CSMD1: variants seen among roughly 807,000 people sequenced by gnomAD.
CSMD1 encodes the protein CUB and sushi domain-containing protein 1.
CSMD1 carries 213 observed loss-of-function variants against 417.5 expected under a neutral mutation model. The observed-to-expected ratio is 0.51, with a 90% confidence interval of 0.46 to 0.57. The LOEUF is 0.57. Among genes scored for constraint, CSMD1 ranks in the 20% least tolerant of loss-of-function variants. The pLI, the probability that CSMD1 is intolerant of heterozygous loss-of-function variation, is 0.00. For synonymous variants in CSMD1, 2,862 were observed against 1,736.8 expected (o/e 1.65, Z -16.11); for missense variants, 6,923 against 4,529.7 (o/e 1.53, Z -15.17).
chr8:4,203,992 T>TCGGAAGA (rs1799824648), intron 3 of CSMD1, among the ~76,000 whole-genome samples: 1 of 152,054 alleles, frequency 6.6e-6, no homozygotes, highest in African/African-American at 2.4e-5. Flanking sequence ...TCCCAGCTAC[T>TCGGAAGA]CGGAAGACTG....
At chr8:4,830,144 T>A (rs1039104162) in intron 1 of CSMD1, among the ~76,000 whole-genome samples, 22 of 152,160 alleles carry the variant, frequency 1.4e-4, no homozygotes, top group Admixed American at 1.4e-3. Flanking sequence ...GAATCACTCC[T>A]GAGAAATCTG....
chr8:4,297,925 T>A (rs1797773403), intron 3 of CSMD1, among the ~76,000 whole-genome samples: 1 of 152,190 alleles, frequency 6.6e-6, no homozygotes, highest in Admixed American at 6.5e-5. Flanking sequence ...AGGTTTTTAT[T>A]AGCAAAGGAA....
In CSMD1 at chr8:3,214,610, G is replaced by T. The variant is rs745335742; in HGVS notation, c.4754C>A (p.Thr1585Asn). 2.2e-5 allele frequency: 34 copies of T among 1,561,682 alleles called. No individual in the cohort carries two copies. Among genetic ancestry groups the T allele is most frequent in the Non-Finnish European group, 1.4e-5 (16 of 1,152,430 alleles). Residue 1585 changes from threonine (T) to asparagine (N), a missense_variant, in exon 30 of 70, where the codon ACC (threonine) becomes AAC (asparagine). By Grantham distance (65) the Thr-to-Asn change is moderately conservative (BLOSUM62 0). Coordinates refer to ENST00000635120, the MANE Select transcript of CSMD1 (RefSeq NM_033225.6). ...RVGTDFKLGSTITYQCDSGYK... is the reference protein window; with the variant it reads ...RVGTDFKLGSNITYQCDSGYK... ...GCCAGAGTCACACTGGTAGGTGATG[G>T]TGGAGCCAAGCTTGAAGTCTGTTCC...
chr8:3,500,215 C>G lies in CSMD1; in HGVS notation c.1345-6489G>C, dbSNP rs543132331. Reference sequence around the variant, plus strand: ...TGTTGCTTCAGTACAGTGTTCTCCCCTAGACACTGCACTTGACATGTGCTT... The same window carrying G: ...TGTTGCTTCAGTACAGTGTTCTCCCGTAGACACTGCACTTGACATGTGCTT... On this transcript the variant is annotated intron_variant, in intron 10 of 69. Transcript: ENST00000635120. Among the ~76,000 whole-genome samples the G allele has an allele frequency of 1.2e-4, 19 of 152,282 alleles. No homozygotes were observed. The South Asian group carries it at 3.9e-3, about 32-fold the overall frequency.
At chr8:3,362,756 G>A (rs1427280571) in intron 20 of CSMD1, among the ~76,000 whole-genome samples, 2 of 152,048 alleles carry the variant, frequency 1.3e-5, no homozygotes, top group Non-Finnish European at 2.9e-5. Context: ...ATTCATGCAG[G>A]TGCAAAATCT....
intron 25 of CSMD1, among the ~76,000 whole-genome samples, chr8:3,299,384 G>A (rs908453251): frequency 6.6e-6 from 1 of 152,112 alleles, no homozygotes; most frequent in Non-Finnish European, 1.5e-5. Flanking sequence ...CTCTGGAGGT[G>A]GAGGTTGCAG....
intron 12 of CSMD1, among the ~76,000 whole-genome samples, chr8:3,449,926 T>C (rs771875323): frequency 9.9e-5 from 15 of 152,230 alleles, no homozygotes; most frequent in East Asian, 1.9e-4. Context: ...AGAAAAACTA[T>C]TGCTCCAGTC....
intron 7 of CSMD1, among the ~76,000 whole-genome samples, chr8:3,707,818 G>C (rs936171610): frequency 6.6e-6 from 1 of 152,168 alleles, no homozygotes; most frequent in South Asian, 2.1e-4. Flanking sequence ...GAGTGATGAC[G>C]ATGGGCATTT....
At chr8:4,024,209 G>A (rs1796943958) in intron 4 of CSMD1, among the ~76,000 whole-genome samples, 1 of 152,082 alleles carries the variant, frequency 6.6e-6, no homozygotes, top group Admixed American at 6.5e-5. Flanking sequence ...AAGAAGACAT[G>A]GGAAACAGAA....
chr8:4,141,276 C>G (rs183043511), intron 3 of CSMD1, among the ~76,000 whole-genome samples: 1 of 151,194 alleles, frequency 6.6e-6, no homozygotes, highest in East Asian at 1.9e-4. Flanking sequence ...CAGCGACCTT[C>G]AGGTAGTGAA....
At chr8:4,469,940 T>G (rs1227141828) in intron 2 of CSMD1, among the ~76,000 whole-genome samples, 2 of 151,256 alleles carry the variant, frequency 1.3e-5, no homozygotes, top group Non-Finnish European at 2.9e-5. Flanking sequence ...TGATCTCGGC[T>G]CACTGCAAGC....
At chr8:3,284,855 C>T (rs999136216) in intron 25 of CSMD1, among the ~76,000 whole-genome samples, 6 of 152,178 alleles carry the variant, frequency 3.9e-5, no homozygotes, top group African/African-American at 1.4e-4. Context: ...TGTTGTACTT[C>T]TTTCTAAAAA....
At chr8:3,902,482 G>T (rs73495960) in intron 5 of CSMD1, among the ~76,000 whole-genome samples, 5,434 of 152,064 alleles carry the variant, frequency 0.036, 185 homozygotes, top group African/African-American at 0.091. Flanking sequence ...AAGTGGCAGG[G>T]GATAGTTTGG....
chr8:4,817,664 G>A (rs1296675302), intron 1 of CSMD1, among the ~76,000 whole-genome samples: 1 of 152,144 alleles, frequency 6.6e-6, no homozygotes, highest in African/African-American at 2.4e-5. Flanking sequence ...GGTATTACAG[G>A]GCAGATGTAT....
chr8:3,061,857 A>G (rs1162389169), intron 49 of CSMD1, among the ~76,000 whole-genome samples: 2 of 152,188 alleles, frequency 1.3e-5, no homozygotes, highest in Non-Finnish European at 2.9e-5. Flanking sequence ...ATTACTTGTA[A>G]GAAAAGTGGG....
intron 2 of CSMD1, among the ~76,000 whole-genome samples, chr8:4,455,742 C>A (rs549714125): frequency 6.6e-6 from 1 of 151,412 alleles, no homozygotes; most frequent in Admixed American, 6.6e-5. Context: ...ACCAGCCTGG[C>A]CAACATGGTG....
At chr8:3,309,961 C>G (rs1214662480) in intron 23 of CSMD1, among the ~76,000 whole-genome samples, 2 of 151,670 alleles carry the variant, frequency 1.3e-5, no homozygotes, top group Non-Finnish European at 2.9e-5. Context: ...CAGTCTTTAC[C>G]AACCATGACA....
At position 3,503,239 on chromosome 8, in the gene CSMD1, G is replaced by T. The variant is rs182145665; in HGVS notation, c.1345-9513C>A. ...TTAGAAAAATATGTCATTAATTCTGGGATATCCTTGCTTTATCTGAGATGT... is the reference window on the plus strand; with the variant it reads ...TTAGAAAAATATGTCATTAATTCTGTGATATCCTTGCTTTATCTGAGATGT... On this transcript the variant is annotated intron_variant, in intron 10 of 69. Coordinates refer to ENST00000635120, the MANE Select transcript of CSMD1 (RefSeq NM_033225.6). Among the ~76,000 whole-genome samples the T allele has an allele frequency of 3.9e-5, 6 of 152,158 alleles. No homozygotes were observed. In the East Asian group the frequency reaches 1.2e-3, roughly 30 times the overall value.
chr8:3,201,934 TAAAA>T, intron 31 of CSMD1, among the ~76,000 whole-genome samples: 1 of 152,204 alleles, frequency 6.6e-6, no homozygotes, highest in African/African-American at 2.4e-5. Flanking sequence ...TGGCATTTAA[TAAAA>T]GAAAAAATAC....
Sources: gnomAD v4.1 joint callset for allele counts (sites outside exome capture counted in the v4.1 genomes callset) on GRCh38, gnomAD v4.1.1 for gene constraint, MANE v1.5 for transcripts, NCBI Gene and HGNC (gene_info 2026-07-23, HGNC 2026-07-21) for gene names.